Variants in TNFAIP8 observed in about 807,000 individuals in gnomAD.
TNFAIP8 encodes TNF alpha induced protein 8.
In TNFAIP8, 7 loss-of-function variants were observed where a neutral mutation model predicts 13.3. The observed-to-expected ratio is 0.52, with a 90% CI of 0.30 to 0.99. The LOEUF (loss-of-function observed/expected upper bound fraction) is 0.99. Ranked by LOEUF, TNFAIP8 falls within the 50% of genes least tolerant of loss-of-function variation. The pLI is 0.07. For missense variants in TNFAIP8, 258 were observed against 236.9 expected (o/e 1.09, Z -0.58); for synonymous variants, 94 against 87.6 (o/e 1.07, Z -0.41).
intron 1 of TNFAIP8, among the ~76,000 whole-genome samples, chr5:119,325,197 C>T (rs1750183368): frequency 2.6e-5 from 4 of 152,196 alleles, no homozygotes; most frequent in African/African-American, 9.7e-5. Context: ...ATTGTCATAA[C>T]CCCGCGCAGT....
At chr5:119,366,523 A>G (rs1392671570) in intron 1 of TNFAIP8, among the ~76,000 whole-genome samples, 1 of 152,196 alleles carries the variant, frequency 6.6e-6, no homozygotes, top group African/African-American at 2.4e-5. Flanking sequence ...TATAAAAATG[A>G]TTTCCTCAAA....
chr5:119,366,382 A>G (rs1322096986), intron 1 of TNFAIP8, among the ~76,000 whole-genome samples: 1 of 152,142 alleles, frequency 6.6e-6, no homozygotes, highest in African/African-American at 2.4e-5. Flanking sequence ...AGGCAGGATT[A>G]ATGCAGAGGC....
Position 119,397,766 on chromosome 5 carries a change from C to T in TNFAIP8, c.*4385C>T, listed in dbSNP as rs1753108692. The T allele has an allele frequency of 6.6e-6, 1 of 152,194 alleles. No individual in the cohort carries two copies. The highest frequency in any genetic ancestry group is 1.5e-5 in the Non-Finnish European group (1 of 68,036). 9.4% of individuals were successfully genotyped at this position (152,194 alleles called of 1,614,324 possible). On this transcript the variant is annotated 3_prime_UTR_variant, in exon 2 of 2. Coordinates refer to ENST00000504771, the MANE Select transcript of TNFAIP8 (RefSeq NM_014350.4). The stretch of plus-strand genomic sequence containing the variant: ...TATAATCCCGTATAGTCACCATCAC[C>T]ACGAAGTATTGAAAATCTGTTTTCT...
chr5:119,316,130 C>A (rs1380753583), intron 1 of TNFAIP8: 2 of 150,838 alleles, frequency 1.3e-5, no homozygotes, highest in African/African-American at 4.9e-5. Flanking sequence ...CAGATTAGAA[C>A]TACAGTTGAC....
At chr5:119,343,383 C>T (rs751422204) in intron 1 of TNFAIP8, among the ~76,000 whole-genome samples, 3 of 152,054 alleles carry the variant, frequency 2.0e-5, no homozygotes, top group Non-Finnish European at 2.9e-5. Context: ...TATAGATTGT[C>T]GAAAATTACT....
chr5:119,275,409 T>C (rs1162168608), intron 1 of TNFAIP8, among the ~76,000 whole-genome samples: 1 of 152,122 alleles, frequency 6.6e-6, no homozygotes, highest in Non-Finnish European at 1.5e-5. Flanking sequence ...GGTTTGTAGA[T>C]ACTGAACTGG....
At chr5:119,274,742 G>A (rs1581559550) in intron 1 of TNFAIP8, among the ~76,000 whole-genome samples, 1 of 152,230 alleles carries the variant, frequency 6.6e-6, no homozygotes, top group Non-Finnish European at 1.5e-5. Flanking sequence ...TGGCAGGGAA[G>A]CTCTGCCCAG....
chr5:119,293,162 A>G (rs545468128), intron 1 of TNFAIP8, among the ~76,000 whole-genome samples: 1 of 152,266 alleles, frequency 6.6e-6, no homozygotes, highest in East Asian at 1.9e-4. Context: ...AAATCAAGCC[A>G]TTTAACACAT....
At chr5:119,348,409 G>A (rs1750985023) in intron 1 of TNFAIP8, among the ~76,000 whole-genome samples, 1 of 152,162 alleles carries the variant, frequency 6.6e-6, no homozygotes, top group Non-Finnish European at 1.5e-5. Context: ...GACAATTACT[G>A]CCCTTAGACT....
intron 1 of TNFAIP8, among the ~76,000 whole-genome samples, chr5:119,328,356 G>C (rs924657545): frequency 6.6e-6 from 1 of 152,146 alleles, no homozygotes; most frequent in Non-Finnish European, 1.5e-5. Flanking sequence ...AATTTGGTTT[G>C]AAAATAGCCA....
At chr5:119,320,136 C>A (rs925393890) in intron 1 of TNFAIP8, among the ~76,000 whole-genome samples, 2 of 152,044 alleles carry the variant, frequency 1.3e-5, no homozygotes, top group Non-Finnish European at 1.5e-5. Flanking sequence ...AGACATTGGA[C>A]TAGATGATTT....
chr5:119,389,203 G>C (rs1174847515), intron 1 of TNFAIP8, among the ~76,000 whole-genome samples: 1 of 152,216 alleles, frequency 6.6e-6, no homozygotes, highest in Non-Finnish European at 1.5e-5. Flanking sequence ...AAGAGTGAAA[G>C]AGGAGCACTT....
At chr5:119,295,225 CGTT>C (rs1749135650) in intron 1 of TNFAIP8, among the ~76,000 whole-genome samples, 1 of 48,204 alleles carries the variant, frequency 2.1e-5, no homozygotes, top group South Asian at 4.6e-4. Context: ...TTTAGTCTAA[CGTT>C]AGACCTATAG....
intron 1 of TNFAIP8, among the ~76,000 whole-genome samples, chr5:119,317,220 A>G (rs1172725991): frequency 6.6e-6 from 1 of 152,240 alleles, no homozygotes; most frequent in Non-Finnish European, 1.5e-5. Flanking sequence ...CCTGTAGTCC[A>G]TAAATTTATT....
At chr5:119,372,496 G>A (rs765252410) in intron 1 of TNFAIP8, among the ~76,000 whole-genome samples, 7 of 152,064 alleles carry the variant, frequency 4.6e-5, no homozygotes, top group Non-Finnish European at 1.0e-4. Flanking sequence ...AGATATGACC[G>A]TAAACCTTGC....
intron 1 of TNFAIP8, among the ~76,000 whole-genome samples, chr5:119,342,002 C>T (rs1420549313): frequency 1.3e-5 from 2 of 151,786 alleles, no homozygotes; most frequent in Non-Finnish European, 2.9e-5. Flanking sequence ...GCCTTAATTT[C>T]TGTATCTCTG....
intron 1 of TNFAIP8, among the ~76,000 whole-genome samples, chr5:119,289,406 T>G (rs1748914806): frequency 6.6e-6 from 1 of 152,226 alleles, no homozygotes; most frequent in South Asian, 2.1e-4. Flanking sequence ...AGAGGACTGT[T>G]AGGTTTGTAA....
At chr5:119,379,169 G>T (rs971092975) in intron 1 of TNFAIP8, among the ~76,000 whole-genome samples, 1 of 152,202 alleles carries the variant, frequency 6.6e-6, no homozygotes, top group Non-Finnish European at 1.5e-5. Flanking sequence ...AGAAGAAATT[G>T]AGTTGATTTC....
intron 1 of TNFAIP8, among the ~76,000 whole-genome samples, chr5:119,388,572 G>A (rs1752768895): frequency 6.6e-6 from 1 of 152,128 alleles, no homozygotes; most frequent in Non-Finnish European, 1.5e-5. Flanking sequence ...CAAATGAAGA[G>A]GATTTAAGGA....
Sources: allele counts gnomAD v4.1 joint callset (sites outside exome capture counted in the v4.1 genomes callset), GRCh38; gene constraint gnomAD v4.1.1; transcripts MANE v1.5; gene names NCBI Gene and HGNC (gene_info 2026-07-23, HGNC 2026-07-21).